Variants in GAS2 observed in about 807,000 individuals in gnomAD.
The protein encoded by GAS2 is growth arrest specific 2.
In GAS2, 20 loss-of-function variants were observed where a neutral mutation model predicts 37.5. The observed-to-expected ratio is 0.53, with a 90% confidence interval of 0.37 to 0.77. The LOEUF is 0.77. Ranked by LOEUF, GAS2 falls within the 30% of genes least tolerant of loss-of-function variation. The pLI is 0.00. For synonymous variants in GAS2, 144 were observed against 132.2 expected (o/e 1.09, Z -0.61); for missense variants, 336 against 373.4 (o/e 0.90, Z 0.82).
chr11:22,737,487 A>G (rs1852816864), intron 4 of GAS2, among the ~76,000 whole-genome samples: 1 of 152,166 alleles, frequency 6.6e-6, no homozygotes, highest in African/African-American at 2.4e-5. Context: ...CCTGAGACGA[A>G]TAGCTTTCAA....
intron 4 of GAS2, among the ~76,000 whole-genome samples, chr11:22,735,351 G>A (rs1377917999): frequency 6.6e-6 from 1 of 150,484 alleles, no homozygotes; most frequent in Non-Finnish European, 1.5e-5. Context: ...TTATAAAAAG[G>A]CAATATTTAC....
rs915868291 is a variant in GAS2, at chr11:22,727,780, C to A, written c.409+1347C>A. Among the ~76,000 whole-genome samples the A allele has an allele frequency of 2.0e-5, 3 of 151,872 alleles. No individual in the cohort carries two copies. In the East Asian group the frequency reaches 5.8e-4, roughly 29 times the overall value. On this transcript the variant is annotated intron_variant, in intron 4 of 7. Transcript: ENST00000454584. ...AAGATGTGTGCGTACATAGATAATA[C>A]CTGTTTTTCAGTCCTGTGGTTAATT...
intron 7 of GAS2, among the ~76,000 whole-genome samples, chr11:22,778,638 G>A (rs1855388748): frequency 6.6e-6 from 1 of 152,214 alleles, no homozygotes; most frequent in Non-Finnish European, 1.5e-5. Flanking sequence ...TTGAGGAGCA[G>A]TATAGCAGAT....
At chr11:22,784,126 G>T (rs1416938333) in intron 7 of GAS2, among the ~76,000 whole-genome samples, 1 of 152,118 alleles carries the variant, frequency 6.6e-6, no homozygotes, top group African/African-American at 2.4e-5. Context: ...TGGCTATTTG[G>T]ACTCATTTTG....
chr11:22,626,996 T>C (rs1858668588), intron 1 of GAS2, among the ~76,000 whole-genome samples: 1 of 152,236 alleles, frequency 6.6e-6, no homozygotes, highest in African/African-American at 2.4e-5. Context: ...TTTCACCTTA[T>C]TGGTCAGGCT....
At chr11:22,809,281 T>C (rs1392487981) in intron 7 of GAS2, among the ~76,000 whole-genome samples, 1 of 152,060 alleles carries the variant, frequency 6.6e-6, no homozygotes, top group Non-Finnish European at 1.5e-5. Context: ...CAATTAAAAT[T>C]CAGGGTTTCT....
chr11:22,673,909 T>C (rs532887059), intron 1 of GAS2, among the ~76,000 whole-genome samples: 20 of 152,326 alleles, frequency 1.3e-4, no homozygotes, highest in African/African-American at 4.8e-4. Flanking sequence ...ACTTCTACTC[T>C]AAAGATACTT....
chr11:22,690,818 G>T (rs906249281), intron 3 of GAS2, among the ~76,000 whole-genome samples: 1 of 151,926 alleles, frequency 6.6e-6, no homozygotes, highest in African/African-American at 2.4e-5. Context: ...TTCTTTTCCC[G>T]GTCCAAATAG....
At chr11:22,797,725 A>G (rs879777936) in intron 7 of GAS2, among the ~76,000 whole-genome samples, 27 of 152,094 alleles carry the variant, frequency 1.8e-4, no homozygotes, top group Non-Finnish European at 3.4e-4. Context: ...GATTTTAATA[A>G]GATTTCATTT....
chr11:22,679,653 T>C (rs1419023653), intron 2 of GAS2, among the ~76,000 whole-genome samples: 1 of 152,138 alleles, frequency 6.6e-6, no homozygotes, highest in Non-Finnish European at 1.5e-5. Context: ...TAATTTAAAA[T>C]GATGGCTTAC....
At chr11:22,779,826 C>T (rs752888259) in intron 7 of GAS2, among the ~76,000 whole-genome samples, 19 of 152,126 alleles carry the variant, frequency 1.2e-4, no homozygotes, top group Non-Finnish European at 2.1e-4. Context: ...TTAGTGGTTA[C>T]TCCCAATGTC....
intron 3 of GAS2, among the ~76,000 whole-genome samples, chr11:22,711,536 G>C (rs1272251459): frequency 2.0e-5 from 3 of 152,230 alleles, no homozygotes; most frequent in African/African-American, 7.2e-5. Context: ...AGAAGCCACA[G>C]ATGGTGTGGG....
At chr11:22,710,560 C>G (rs985087922) in intron 3 of GAS2, among the ~76,000 whole-genome samples, 2 of 151,548 alleles carry the variant, frequency 1.3e-5, no homozygotes, top group South Asian at 2.1e-4. Context: ...GGAAGTTCCT[C>G]AACTGTGGAA....
chr11:22,720,885 T>C (rs1027686892), intron 3 of GAS2, among the ~76,000 whole-genome samples: 10 of 152,150 alleles, frequency 6.6e-5, no homozygotes, highest in African/African-American at 1.9e-4. Context: ...TCTCTTCACT[T>C]GAGTAGGTGA....
rs374381397 is a variant in GAS2 at position 22,786,058 on chromosome 11, C to A, written c.724-25740C>A. On this transcript the variant is annotated intron_variant, in intron 7 of 7. Transcript: ENST00000454584. ...TGGTTAAAATCCAAAGCAAACCAAG[C>A]AGAGAACTACCCTTTTATTGTTCTA... Among the ~76,000 whole-genome samples, 15 of 152,212 alleles carry A rather than the reference C, an allele frequency of 9.9e-5. No homozygotes were observed. The South Asian group carries it at 1.5e-3, about 15-fold the overall frequency.
chr11:22,791,272 A>C (rs897872107), intron 7 of GAS2, among the ~76,000 whole-genome samples: 1 of 152,188 alleles, frequency 6.6e-6, no homozygotes, highest in Non-Finnish European at 1.5e-5. Context: ...AAATGGAGAA[A>C]TAGACAAAAA....
chr11:22,738,449 A>G (rs1852871420), intron 5 of GAS2, among the ~76,000 whole-genome samples: 1 of 152,220 alleles, frequency 6.6e-6, no homozygotes, highest in Non-Finnish European at 1.5e-5. Context: ...GCATACCATC[A>G]GACAGGGCTT....
intron 5 of GAS2, 110 bp downstream of exon 5, chr11:22,737,878 C>A: frequency 2.1e-6 from 2 of 950,988 alleles, no homozygotes; most frequent in Non-Finnish European, 3.4e-6. Flanking sequence ...TGTTGAGAAG[C>A]TACTCATTCA....
intron 7 of GAS2, among the ~76,000 whole-genome samples, chr11:22,807,783 A>G (rs899855995): frequency 3.3e-5 from 5 of 152,196 alleles, no homozygotes; most frequent in Non-Finnish European, 7.3e-5. Flanking sequence ...AACTATGTGT[A>G]GGAAAACAGG....
Sources: gnomAD v4.1 joint callset for allele counts (sites outside exome capture counted in the v4.1 genomes callset) on GRCh38, gnomAD v4.1.1 for gene constraint, MANE v1.5 for transcripts, NCBI Gene and HGNC (gene_info 2026-07-23, HGNC 2026-07-21) for gene names.